Variants in BPNT1 observed in about 807,000 individuals in gnomAD.
BPNT1 encodes the protein 3'(2'), 5'-bisphosphate nucleotidase 1.
BPNT1 carries 28 observed loss-of-function variants against 36.9 expected under a neutral mutation model. That is an observed-to-expected ratio of 0.76 (90% CI 0.56 to 1.04). The LOEUF (loss-of-function observed/expected upper bound fraction) is 1.04. Ranked by LOEUF, BPNT1 falls within the 50% of genes least tolerant of loss-of-function variation. The pLI is 0.00. For missense variants in BPNT1, 313 were observed against 372.9 expected, an observed-to-expected ratio of 0.84 and a Z score of 1.32; for synonymous variants, 119 against 130.9, an observed-to-expected ratio of 0.91 and a Z score of 0.62.
intron 7 of BPNT1, among the ~76,000 whole-genome samples, chr1:220,061,545 A>C (rs940641747): frequency 2.0e-4 from 30 of 151,876 alleles, no homozygotes; most frequent in Admixed American, 1.2e-3. Context: ...AAAAAAAAAA[A>C]AAAACAAAAA....
chr1:220,057,691 A>G lies in BPNT1; in HGVS notation c.*1153T>C, dbSNP rs202237720. 84 of 441,398 alleles carry G rather than the reference A, an allele frequency of 1.9e-4. No individual in the cohort carries two copies. In the East Asian group the frequency reaches 3.6e-3, roughly 19 times the overall value. The allele number at this position is 441,398 out of a possible 1,614,324, so 27.3% of individuals were successfully genotyped here. A position where few individuals can be genotyped will look rare whatever the true frequency, so the allele number is the denominator to read the frequency against. ...CCAAAGTCGAGAATGTATAATTTTC[A>G]AACACTTTTTTAAAAAGCTGGTGAA... On this transcript the variant is annotated 3_prime_UTR_variant, in exon 9 of 9. Coordinates refer to ENST00000322067, the MANE Select transcript of BPNT1 (RefSeq NM_006085.6).
chr1:220,085,866 T>C (rs1183335007), intron 1 of BPNT1, among the ~76,000 whole-genome samples: 1 of 152,216 alleles, frequency 6.6e-6, no homozygotes, highest in African/African-American at 2.4e-5. Context: ...TTCAGAAGGA[T>C]GGAAAAAAAC....
In BPNT1 at chr1:220,059,697, T is replaced by A. The variant is rs1325876860; in HGVS notation, c.767A>T (p.His256Leu). The change falls in exon 8 of 9, where the codon CAT (histidine) becomes CTT (leucine). Residue 256 changes from histidine to leucine, a missense_variant. His to Leu is a moderately conservative substitution (Grantham distance 99). Coordinates refer to ENST00000322067, the MANE Select transcript of BPNT1 (RefSeq NM_006085.6). Reference sequence around the variant, plus strand: ...TAAAACAGACTAACCTCCCACAGCATGTAAAATAACTTCTGGAGCACAAGT... The same window carrying A: ...TAAAACAGACTAACCTCCCACAGCAAGTAAAATAACTTCTGGAGCACAAGT... ...WDTCAPEVIL[H>L]AVGGKLTDIH... is the part of the protein sequence containing the mutation. The A allele has an allele frequency of 1.2e-6, 2 of 1,607,192 alleles. No homozygotes were observed. The highest frequency in any genetic ancestry group is 1.7e-5 in the Admixed American group (1 of 58,370).
chr1:220,065,280 T>C (rs1049574614), intron 6 of BPNT1, among the ~76,000 whole-genome samples: 18 of 152,116 alleles, frequency 1.2e-4, no homozygotes, highest in African/African-American at 4.3e-4. Flanking sequence ...GTAAATGCAA[T>C]CCCATGATGC....
At chr1:220,088,565 G>T (rs1393461546) in intron 1 of BPNT1, among the ~76,000 whole-genome samples, 1 of 151,516 alleles carries the variant, frequency 6.6e-6, no homozygotes, top group Non-Finnish European at 1.5e-5. Context: ...CAAGGCTGGT[G>T]TATTGCTTGA....
chr1:220,065,379 A>G (rs1663447752), intron 6 of BPNT1, among the ~76,000 whole-genome samples: 1 of 152,180 alleles, frequency 6.6e-6, no homozygotes, highest in Admixed American at 6.5e-5. Flanking sequence ...TTGGGAGGGT[A>G]ATAAAGGCGA....
chr1:220,068,396 C>G (rs1289887362), intron 5 of BPNT1, among the ~76,000 whole-genome samples: 1 of 151,214 alleles, frequency 6.6e-6, no homozygotes, highest in Admixed American at 6.6e-5. Context: ...GTTGGCCAGG[C>G]TGGTCTTGAA....
intron 6 of BPNT1, among the ~76,000 whole-genome samples, chr1:220,064,007 T>C (rs537033266): frequency 6.6e-6 from 1 of 152,202 alleles, no homozygotes; most frequent in Non-Finnish European, 1.5e-5. Context: ...TATAGAGATA[T>C]ACATATTGTA....
intron 1 of BPNT1, among the ~76,000 whole-genome samples, chr1:220,080,213 T>C (rs1664977533): frequency 6.6e-6 from 1 of 152,168 alleles, no homozygotes; most frequent in South Asian, 2.1e-4. Context: ...GTAAGATTTG[T>C]GTTTGAGGAG....
rs1447871459 is a variant in BPNT1 at position 220,067,347 on chromosome 1, T to C, written c.429A>G (p.Gly143=). Residue 143 remains glycine, a synonymous_variant, in exon 6 of 9, where the codon GGA becomes GGG. Coordinates refer to ENST00000322067, the MANE Select transcript of BPNT1 (RefSeq NM_006085.6). The part of the protein sequence containing the change: ...VTVLIGIAYE[G]KAIAGVINQP... The stretch of plus-strand genomic sequence containing the variant: ...GGTTAATAACTCCTGCTATGGCTTT[T>C]CCTTCATAAGCAATTCCAATAAGAA... 6.2e-7 allele frequency: 1 copy of C among 1,610,774 alleles called. No homozygotes were observed. The highest frequency in any genetic ancestry group is 8.5e-7 in the Non-Finnish European group (1 of 1,178,198).
intron 2 of BPNT1, 104 bp downstream of exon 2, chr1:220,079,623 T>G: frequency 1.4e-6 from 2 of 1,387,152 alleles, no homozygotes; most frequent in Non-Finnish European, 2.0e-6. Flanking sequence ...AAGGGAGCCA[T>G]CAATTATTTT....
chr1:220,079,894 G>T (rs771523067), intron 1 of BPNT1, 40 bp from the exon 2 acceptor site: 14 of 1,584,550 alleles, frequency 8.8e-6, no homozygotes, highest in Non-Finnish European at 1.2e-5. Flanking sequence ...TAGTTTCAAA[G>T]CCAACTACTG....
chr1:220,076,849 GA>G (rs1468536710), intron 2 of BPNT1, among the ~76,000 whole-genome samples: 3 of 151,952 alleles, frequency 2.0e-5, no homozygotes, highest in Non-Finnish European at 2.9e-5. Flanking sequence ...TACATAACTT[GA>G]ACATGAATAC....
chr1:220,082,369 C>T (rs1191169379), intron 1 of BPNT1, among the ~76,000 whole-genome samples: 5 of 151,252 alleles, frequency 3.3e-5, no homozygotes, highest in East Asian at 2.0e-4. Context: ...TTAGTAGAGA[C>T]GGGGTTTCAC....
At chr1:220,084,689 C>A (rs144357737) in intron 1 of BPNT1, among the ~76,000 whole-genome samples, 209 of 152,310 alleles carry the variant, frequency 1.4e-3, no homozygotes, top group African/African-American at 4.9e-3. Context: ...AACTACTTCC[C>A]CTTGTATTTG....
In BPNT1 at chr1:220,067,301, C is replaced by T. The variant is rs779308410; in HGVS notation, c.474+1G>A. On this transcript the variant is annotated splice_donor_variant, in intron 6 of 8. Transcript: ENST00000322067. LOFTEE classifies it high-confidence loss of function. ...TTACTTTGTATCATTTATAGTAATACCTCATAGTTGTAATATGGCTGGTTA... is the reference window on the plus strand; with the variant it reads ...TTACTTTGTATCATTTATAGTAATATCTCATAGTTGTAATATGGCTGGTTA... 1 of 1,566,912 alleles carries T rather than the reference C, an allele frequency of 6.4e-7. No homozygotes were observed. Among genetic ancestry groups the T allele is most frequent in the Admixed American group, 1.7e-5 (1 of 58,978 alleles).
At chr1:220,073,845 G>A in intron 3 of BPNT1, 122 bp downstream of exon 3, 1 of 901,018 alleles carries the variant, frequency 1.1e-6, no homozygotes, top group East Asian at 2.6e-5. Context: ...AATTACTTTT[G>A]TGTTTAAAAC....
chr1:220,059,068 C>T (rs1571716867), intron 8 of BPNT1, 76 bp from the exon 9 acceptor site: 1 of 1,464,104 alleles, frequency 6.8e-7, no homozygotes, highest in Non-Finnish European at 9.4e-7. Flanking sequence ...TTTTAAGTGC[C>T]TTTTGCTTCC....
At chr1:220,081,182 C>A (rs554303767) in intron 1 of BPNT1, among the ~76,000 whole-genome samples, 37 of 152,318 alleles carry the variant, frequency 2.4e-4, no homozygotes, top group Middle Eastern at 6.8e-3. Flanking sequence ...TGATCCCCCC[C>A]CTTGGCCTCC....
Sources: allele counts gnomAD v4.1 joint callset (sites outside exome capture counted in the v4.1 genomes callset), GRCh38; gene constraint gnomAD v4.1.1; transcripts MANE v1.5; gene names NCBI Gene and HGNC (gene_info 2026-07-23, HGNC 2026-07-21).